ZNF804A: variants seen among roughly 807,000 people sequenced by gnomAD.
ZNF804A encodes zinc finger protein 804A.
ZNF804A carries 2 observed loss-of-function variants against 16.5 expected under a neutral mutation model. That is an observed-to-expected ratio of 0.12 (90% CI 0.05 to 0.38). The LOEUF (loss-of-function observed/expected upper bound fraction) is 0.38, where lower values mean the gene tolerates loss of function less well. Among genes scored for constraint, ZNF804A ranks in the 10% least tolerant of loss-of-function variants. The pLI is 0.99. For missense variants in ZNF804A, 1,473 were observed against 1,390.7 expected (o/e 1.06, Z -0.94); for synonymous variants, 534 against 489.6 (o/e 1.09, Z -1.20).
At chr2:184,764,968 A>AT (rs570726168) in intron 1 of ZNF804A, among the ~76,000 whole-genome samples, 5 of 152,158 alleles carry the variant, frequency 3.3e-5, no homozygotes, top group East Asian at 1.9e-4. Context: ...AAAAAAAACT[A>AT]TTTTTTTAAA....
rs1690994914 is a variant in ZNF804A, at chr2:184,598,795, A to G, written c.-165A>G. 1 of 391,972 alleles carries G rather than the reference A, an allele frequency of 2.6e-6. No individual in the cohort carries two copies. The highest frequency in any genetic ancestry group is 2.1e-5 in the African/African-American group (1 of 47,338). The allele number at this position is 391,972 out of a possible 1,614,324, so 24.3% of individuals were successfully genotyped here. ...CGGAGGCGGGGGAGCCTCGGCGCTC[A>G]CCACAGAGGGGTGCAGTGAGCCAGT... On this transcript the variant is annotated 5_prime_UTR_variant, in exon 1 of 4. Coordinates refer to ENST00000302277, the MANE Select transcript of ZNF804A (RefSeq NM_194250.2).
intron 2 of ZNF804A, among the ~76,000 whole-genome samples, chr2:184,917,469 G>A (rs1685467514): frequency 6.6e-6 from 1 of 152,022 alleles, no homozygotes; most frequent in Non-Finnish European, 1.5e-5. Flanking sequence ...AAATATGTGT[G>A]TGTGTGTATA....
chr2:184,801,534 T>G (rs990557595), intron 1 of ZNF804A, among the ~76,000 whole-genome samples: 6 of 152,202 alleles, frequency 3.9e-5, no homozygotes, highest in Non-Finnish European at 8.8e-5. Flanking sequence ...TATTAACATA[T>G]CTTCAAGCAC....
intron 1 of ZNF804A, among the ~76,000 whole-genome samples, chr2:184,612,762 AACACACAAAGCTTTTT>A (rs1246210828): frequency 6.6e-6 from 1 of 152,204 alleles, no homozygotes; most frequent in African/African-American, 2.4e-5. Flanking sequence ...GTTACTCAAA[AACACACAAAGCTTTTT>A]CACAGGTAGA....
chr2:184,635,518 A>G (rs1489835776), intron 1 of ZNF804A, among the ~76,000 whole-genome samples: 1 of 152,172 alleles, frequency 6.6e-6, no homozygotes, highest in Non-Finnish European at 1.5e-5. Flanking sequence ...TAAAGAAAGC[A>G]AATACAATAT....
At chr2:184,767,844 T>C (rs1415576568) in intron 1 of ZNF804A, among the ~76,000 whole-genome samples, 1 of 152,096 alleles carries the variant, frequency 6.6e-6, no homozygotes, top group African/African-American at 2.4e-5. Flanking sequence ...TCCAAAATTG[T>C]TGCAAATAAA....
chr2:184,837,950 C>A (rs1695380186), intron 1 of ZNF804A, among the ~76,000 whole-genome samples: 1 of 152,058 alleles, frequency 6.6e-6, no homozygotes, highest in Non-Finnish European at 1.5e-5. Context: ...TTGAGAGAAA[C>A]AGCAGGAAAA....
At chr2:184,685,030 ACCAGCCTGGAT>A (rs1379588419) in intron 1 of ZNF804A, among the ~76,000 whole-genome samples, 1 of 152,042 alleles carries the variant, frequency 6.6e-6, no homozygotes, top group Non-Finnish European at 1.5e-5. Flanking sequence ...AGCTCGTGTA[ACCAGCCTGGAT>A]CCTACACCTG....
At position 184,936,687 on chromosome 2, in the gene ZNF804A, A is replaced by G; in HGVS notation, c.1291A>G (p.Lys431Glu). The change falls in exon 4 of 4, where the codon AAA (lysine) becomes GAA (glutamate). Residue 431 changes from lysine to glutamate, a missense_variant. Coordinates refer to ENST00000302277, the MANE Select transcript of ZNF804A (RefSeq NM_194250.2). ...TGAGCCATTTGTACCTGTCCTTAACAAACACAGATCTACAGTTCTTCAGTG... is the reference window on the plus strand; with the variant it reads ...TGAGCCATTTGTACCTGTCCTTAACGAACACAGATCTACAGTTCTTCAGTG... The part of the protein sequence containing the change: ...QCEPFVPVLN[K>E]HRSTVLQWPS... 2 of 1,613,832 alleles carry G rather than the reference A, an allele frequency of 1.2e-6. No individual in the cohort carries two copies. Among genetic ancestry groups the G allele is most frequent in the Non-Finnish European group, 1.7e-6 (2 of 1,179,856 alleles).
At chr2:184,897,398 A>T (rs1685086238) in intron 2 of ZNF804A, among the ~76,000 whole-genome samples, 1 of 138,394 alleles carries the variant, frequency 7.2e-6, no homozygotes, top group Non-Finnish European at 1.6e-5. Context: ...CTTTCCATAC[A>T]GCAATTTTTG....
intron 1 of ZNF804A, among the ~76,000 whole-genome samples, chr2:184,782,741 A>C (rs892477537): frequency 6.7e-6 from 1 of 148,470 alleles, no homozygotes; most frequent in Admixed American, 6.8e-5. Context: ...CTAGAGAAGG[A>C]TGACTAATAC....
At chr2:184,837,677 ATAT>A (rs912225707) in intron 1 of ZNF804A, among the ~76,000 whole-genome samples, 4 of 152,138 alleles carry the variant, frequency 2.6e-5, no homozygotes, top group Admixed American at 2.0e-4. Flanking sequence ...ATGAAGAAAA[ATAT>A]TATGATCTAT....
At chr2:184,671,058 T>G (rs1055185384) in intron 1 of ZNF804A, among the ~76,000 whole-genome samples, 1 of 152,162 alleles carries the variant, frequency 6.6e-6, no homozygotes, top group African/African-American at 2.4e-5. Flanking sequence ...TAATTATGGA[T>G]GTAGAACTGG....
At chr2:184,773,495 A>G (rs374499712) in intron 1 of ZNF804A, among the ~76,000 whole-genome samples, 1 of 151,998 alleles carries the variant, frequency 6.6e-6, no homozygotes, top group South Asian at 2.1e-4. Context: ...AAATAATGGC[A>G]TTCATAGCAA....
intron 1 of ZNF804A, among the ~76,000 whole-genome samples, chr2:184,778,992 T>C (rs1050369332): frequency 2.6e-5 from 4 of 151,718 alleles, no homozygotes; most frequent in African/African-American, 9.7e-5. Context: ...AATTAGAAAT[T>C]AGTAAATTTA....
chr2:184,816,841 A>G (rs2105789122), intron 1 of ZNF804A, among the ~76,000 whole-genome samples: 1 of 152,072 alleles, frequency 6.6e-6, no homozygotes, highest in African/African-American at 2.4e-5. Context: ...AATGATTTCC[A>G]TAGCTACCAG....
intron 2 of ZNF804A, among the ~76,000 whole-genome samples, chr2:184,893,255 A>T (rs935295147): frequency 6.6e-6 from 1 of 152,040 alleles, no homozygotes; most frequent in Non-Finnish European, 1.5e-5. Context: ...TATATGAAAA[A>T]TTTGGTAAGG....
chr2:184,662,580 G>A (rs1294082582), intron 1 of ZNF804A, among the ~76,000 whole-genome samples: 5 of 152,086 alleles, frequency 3.3e-5, no homozygotes, highest in Non-Finnish European at 4.4e-5. Flanking sequence ...TTTAATTCAG[G>A]AAAATATTAG....
intron 1 of ZNF804A, among the ~76,000 whole-genome samples, chr2:184,713,546 A>G (rs1218442555): frequency 6.6e-6 from 1 of 151,948 alleles, no homozygotes; most frequent in Non-Finnish European, 1.5e-5. Context: ...CTTGTATTTC[A>G]TATTTTCCTC....
Sources: gnomAD v4.1 joint callset for allele counts (sites outside exome capture counted in the v4.1 genomes callset) on GRCh38, gnomAD v4.1.1 for gene constraint, MANE v1.5 for transcripts, NCBI Gene and HGNC (gene_info 2026-07-23, HGNC 2026-07-21) for gene names.